Variants in STK32C observed in about 807,000 individuals in gnomAD.
STK32C encodes the protein serine/threonine-protein kinase 32C.
Under a neutral mutation model 56.5 loss-of-function variants are expected in STK32C, and 31 were observed. The ratio of observed to expected loss-of-function variants is 0.55; its 90% CI spans 0.41 to 0.74. The LOEUF is 0.74. STK32C is among the 30% of genes least tolerant of loss of function. STK32C has a pLI of 0.00. For missense variants in STK32C, 544 were observed against 676.9 expected, an observed-to-expected ratio of 0.80 and a Z score of 2.18; for synonymous variants, 309 against 289.4, an observed-to-expected ratio of 1.07 and a Z score of -0.69.
chr10:132,225,794 G>A lies in STK32C; in HGVS notation c.645-10C>T, dbSNP rs769299549. On this transcript the variant is annotated splice_polypyrimidine_tract_variant and intron_variant, in intron 4 of 11. Coordinates refer to ENST00000298630, the MANE Select transcript of STK32C (RefSeq NM_173575.4). ...GTCAGGCTTGACATCTCTAGAAAGAGCAGAAAGTGGGAAGGTGAGTTGGGA... is the reference window on the plus strand; with the variant it reads ...GTCAGGCTTGACATCTCTAGAAAGAACAGAAAGTGGGAAGGTGAGTTGGGA... 11 of 1,613,970 alleles carry A rather than the reference G, an allele frequency of 6.8e-6. No individual in the cohort carries two copies. Among genetic ancestry groups the A allele is most frequent in the Middle Eastern group, 1.7e-4 (1 of 6,050 alleles).
chr10:132,251,642 T>C (rs930607200), intron 1 of STK32C, among the ~76,000 whole-genome samples: 30 of 151,490 alleles, frequency 2.0e-4, no homozygotes, highest in Admixed American at 7.2e-4. Context: ...GGTTGAGCCC[T>C]GAATGCAAAC....
In STK32C at chr10:132,228,011, G is replaced by C. The variant is rs960485470; in HGVS notation, c.436C>G (p.Gln146Glu). ...ACCAGGAAGACGTGCTCGATCTCCT[G>C]CAGGATCTCCAGCTCCCGGAAGACG... ...RNVFRELEIL[Q>E]EIEHVFLVNL... The change falls in exon 3 of 12, where the codon CAG becomes GAG. Residue 146 changes from glutamine to glutamate, a missense_variant. Transcript: ENST00000298630. The C allele has an allele frequency of 2.5e-6, 4 of 1,613,632 alleles. No homozygotes were observed. Among genetic ancestry groups the C allele is most frequent in the Admixed American group, 1.7e-5 (1 of 60,000 alleles).
rs1188228714 is a variant in STK32C, at chr10:132,301,894, G to A, written c.262+5678C>T. On this transcript the variant is annotated intron_variant, in intron 1 of 11. Coordinates refer to ENST00000298630, the MANE Select transcript of STK32C (RefSeq NM_173575.4). ...GCCCGGGCCAAGGGACCAGCACCCC[G>A]TGGGTTTCCTGCCCTCACTCACCAT... is the stretch of plus-strand genomic sequence containing the variant. Among the ~76,000 whole-genome samples the A allele has an allele frequency of 3.3e-5, 5 of 152,224 alleles. No individual in the cohort carries two copies. The East Asian group carries it at 7.7e-4, about 23-fold the overall frequency.
intron 1 of STK32C, among the ~76,000 whole-genome samples, chr10:132,266,943 C>A (rs575136181): frequency 1.3e-5 from 2 of 152,120 alleles, no homozygotes; most frequent in Non-Finnish European, 2.9e-5. Flanking sequence ...GCTGCGCGGA[C>A]GAGGCCGCAG....
At chr10:132,220,969 G>A (rs746790723) in intron 10 of STK32C, among the ~76,000 whole-genome samples, 7 of 152,260 alleles carry the variant, frequency 4.6e-5, no homozygotes, top group Non-Finnish European at 2.9e-5. Context: ...AGCTGCAGGA[G>A]ACAGAGTAGT....
In STK32C at chr10:132,238,934, G is replaced by A. The variant is rs570992184; in HGVS notation, c.318+6966C>T. 1.2e-4 allele frequency among the ~76,000 whole-genome samples: 18 copies of A among 152,338 alleles called. No individual in the cohort carries two copies. The South Asian group carries it at 3.1e-3, about 26-fold the overall frequency. ...TGGGTGGACACTTGGGCGGAGACCA[G>A]GCTGCAGTGCCGGGGTGACTGTCCA... On this transcript the variant is annotated intron_variant, in intron 2 of 11. Transcript: ENST00000298630.
At chr10:132,210,677 C>T (rs1052391178) in intron 10 of STK32C, among the ~76,000 whole-genome samples, 4 of 152,264 alleles carry the variant, frequency 2.6e-5, no homozygotes, top group African/African-American at 7.2e-5. Context: ...TGACGTGCGT[C>T]ACACTCGGAC....
chr10:132,268,046 T>C lies in STK32C; in HGVS notation c.263-22091A>G, dbSNP rs772540366. On this transcript the variant is annotated intron_variant, in intron 1 of 11. Coordinates refer to ENST00000298630, the MANE Select transcript of STK32C (RefSeq NM_173575.4). ...GTATGCATGTTCGGCTCTATGCCTG[T>C]CTGTGTGCCCACATGTCCCACGTCG... Among the ~76,000 whole-genome samples, 85 of 120,302 alleles carry C rather than the reference T, an allele frequency of 7.1e-4. 1 individual carries two copies. Among genetic ancestry groups the C allele is most frequent in the Non-Finnish European group, 1.2e-3 (67 of 56,362 alleles). The allele number at this position is 120,302 out of a possible 152,430, so 78.9% of individuals were successfully genotyped here. A position where few individuals can be genotyped will look rare whatever the true frequency, so the allele number is the denominator to read the frequency against.
intron 1 of STK32C, among the ~76,000 whole-genome samples, chr10:132,254,072 G>A (rs575287518): frequency 6.6e-6 from 1 of 152,234 alleles, no homozygotes; most frequent in East Asian, 1.9e-4. Context: ...CACTTAGGGA[G>A]GCCGAGGCAG....
At chr10:132,253,706 GC>G (rs942993266) in intron 1 of STK32C, among the ~76,000 whole-genome samples, 8 of 152,156 alleles carry the variant, frequency 5.3e-5, no homozygotes, top group African/African-American at 1.9e-4. Context: ...TGAGGGAGCC[GC>G]CCCTCCACAG....
At chr10:132,284,060 A>G (rs1483215558) in intron 1 of STK32C, among the ~76,000 whole-genome samples, 1 of 151,968 alleles carries the variant, frequency 6.6e-6, no homozygotes, top group Non-Finnish European at 1.5e-5. Flanking sequence ...GAGGCTTTTA[A>G]GCGCATCCCA....
At chr10:132,299,315 C>T (rs2065846137) in intron 1 of STK32C, among the ~76,000 whole-genome samples, 1 of 151,242 alleles carries the variant, frequency 6.6e-6, no homozygotes, top group Non-Finnish European at 1.5e-5. Flanking sequence ...GCTGATCCAC[C>T]AGCCAACAGC....
At chr10:132,262,933 C>A (rs1565123394) in intron 1 of STK32C, among the ~76,000 whole-genome samples, 1 of 151,832 alleles carries the variant, frequency 6.6e-6, no homozygotes, top group Non-Finnish European at 1.5e-5. Context: ...ATTAAAAAGT[C>A]ATAAAACAAC....
At chr10:132,251,504 AG>A (rs375018100) in intron 1 of STK32C, among the ~76,000 whole-genome samples, 35 of 152,190 alleles carry the variant, frequency 2.3e-4, no homozygotes, top group African/African-American at 7.7e-4. Flanking sequence ...GGCCCTGGGA[AG>A]GGGGGGCATA....
In STK32C at chr10:132,261,512, C is replaced by G. The variant is rs180974522; in HGVS notation, c.263-15557G>C. ...GGGCACGGTGGCTCACACCTATAATCCCAGCACTTTGGGAGGCCAAGGCAG... is the reference window on the plus strand; with the variant it reads ...GGGCACGGTGGCTCACACCTATAATGCCAGCACTTTGGGAGGCCAAGGCAG... On this transcript the variant is annotated intron_variant, in intron 1 of 11. Transcript: ENST00000298630. Among the ~76,000 whole-genome samples the G allele has an allele frequency of 2.6e-5, 4 of 152,322 alleles. No individual in the cohort carries two copies. In the East Asian group the frequency reaches 7.7e-4, roughly 29 times the overall value.
chr10:132,225,825 C>T (rs753142771), intron 4 of STK32C, 41 bp from the exon 5 acceptor site: 2 of 1,612,724 alleles, frequency 1.2e-6, no homozygotes, highest in Non-Finnish European at 1.7e-6. Flanking sequence ...TGGGAATCTG[C>T]CCTGTTTCTG....
intron 10 of STK32C, among the ~76,000 whole-genome samples, chr10:132,220,222 AGAC>A (rs1382816248): frequency 6.6e-6 from 1 of 152,190 alleles, no homozygotes; most frequent in Non-Finnish European, 1.5e-5. Flanking sequence ...GAGGAGATGG[AGAC>A]GCACACACAG....
chr10:132,284,857 T>C (rs112262287), intron 1 of STK32C, among the ~76,000 whole-genome samples: 133 of 114,688 alleles, frequency 1.2e-3, no homozygotes, highest in African/African-American at 4.3e-3. Flanking sequence ...CATTCCCACA[T>C]CTGCCCAAAG....
At chr10:132,246,062 CA>C in intron 1 of STK32C, 107 bp from the exon 2 acceptor site, 2 of 1,166,686 alleles carry the variant, frequency 1.7e-6, no homozygotes, top group Non-Finnish European at 2.5e-6. Context: ...CAGGGCCCCT[CA>C]TCCTAGAAGA....
Sources: allele counts gnomAD v4.1 joint callset (sites outside exome capture counted in the v4.1 genomes callset), GRCh38; gene constraint gnomAD v4.1.1; transcripts MANE v1.5; gene names NCBI Gene and HGNC (gene_info 2026-07-23, HGNC 2026-07-21).